The following AGAP1 variants were observed in gnomAD, a reference collection of about 807,000 sequenced individuals.
The protein encoded by AGAP1 is arf-GAP with GTPase, ANK repeat and PH domain-containing protein 1.
Under a neutral mutation model 105.3 loss-of-function variants are expected in AGAP1, and 29 were observed. That is an observed-to-expected ratio of 0.28 (90% CI 0.21 to 0.38). AGAP1 has a LOEUF of 0.38. Ranked by LOEUF, AGAP1 falls within the 10% of genes least tolerant of loss-of-function variation. AGAP1 has a pLI of 1.00. For missense variants in AGAP1, 998 were observed against 1,165.1 expected, an observed-to-expected ratio of 0.86 and a Z score of 2.09; for synonymous variants, 509 against 485.9, an observed-to-expected ratio of 1.05 and a Z score of -0.63.
intron 13 of AGAP1, among the ~76,000 whole-genome samples, chr2:236,010,432 T>C (rs2056471249): frequency 6.6e-6 from 1 of 152,222 alleles, no homozygotes; most frequent in African/African-American, 2.4e-5. Flanking sequence ...ATTTGCTGTT[T>C]ATAACGATCA....
chr2:236,055,562 G>T lies in AGAP1; in HGVS notation c.2114+6281G>T, dbSNP rs2058028752. On this transcript the variant is annotated intron_variant, in intron 16 of 17. Transcript: ENST00000304032. The surrounding 1 kb of genome is among the most constrained non-coding windows in gnomAD (Gnocchi z 6.2). ...TGTCACCGCGGCGTGCTTGTCAGTG[G>T]GCCTGCCCTGGCCCCAGCCGCAGAG... Among the ~76,000 whole-genome samples the T allele has an allele frequency of 6.6e-6, 1 of 152,256 alleles. No individual in the cohort carries two copies. Among genetic ancestry groups the T allele is most frequent in the South Asian group, 2.1e-4 (1 of 4,836 alleles).
In AGAP1 at chr2:236,036,766, G is replaced by C; in HGVS notation, c.1800+51G>C. On this transcript the variant is annotated intron_variant, in intron 14 of 17. Transcript: ENST00000304032. The surrounding 1 kb of genome is among the most constrained non-coding windows in gnomAD (Gnocchi z 5.7). ...AAGGCTGGGGCTGCTCAGGGGGAGT[G>C]CGGGCCCCAAGTAATGCCCCAGGGA... 6.2e-7 allele frequency: 1 copy of C among 1,606,200 alleles called. No homozygotes were observed. The highest frequency in any genetic ancestry group is 8.5e-7 in the Non-Finnish European group (1 of 1,177,178).
At position 235,931,058 on chromosome 2, in the gene AGAP1, A is replaced by T. The variant is rs528940007; in HGVS notation, c.1483+135A>T. The T allele has an allele frequency of 2.1e-5, 21 of 992,458 alleles. No homozygotes were observed. The highest frequency in any genetic ancestry group is 3.2e-4 in the Middle Eastern group (1 of 3,134). The allele number at this position is 992,458 out of a possible 1,614,324, so 61.5% of individuals were successfully genotyped here. A position where few individuals can be genotyped will look rare whatever the true frequency, so the allele number is the denominator to read the frequency against. On this transcript the variant is annotated intron_variant, in intron 12 of 17. Transcript: ENST00000304032. This position sits in a 1 kb window ranked among gnomAD's most constrained non-coding sequence, Gnocchi z 5.6. ...ACCCTGTGGGGCGGCTGCATCAGAG[A>T]CTCACATCTTGCCTTTCATCTGTGG...
rs990432615 is a variant in AGAP1, at chr2:235,566,406, G to T, written c.163+71557G>T. Among the ~76,000 whole-genome samples the T allele has an allele frequency of 3.3e-5, 5 of 152,186 alleles. No homozygotes were observed. Among genetic ancestry groups the T allele is most frequent in the African/African-American group, 9.6e-5 (4 of 41,454 alleles). On this transcript the variant is annotated intron_variant, in intron 1 of 17. Coordinates refer to ENST00000304032, the MANE Select transcript of AGAP1 (RefSeq NM_001037131.3). This position sits in a 1 kb window ranked among gnomAD's most constrained non-coding sequence, Gnocchi z 5.2. ...TCAATGCATTGCAAAGTCAACGGCA[G>T]ACTGAAGGACTGCCGCATGCATAGC...
At position 236,092,392 on chromosome 2, in the gene AGAP1, T is replaced by C. The variant is rs545342676; in HGVS notation, c.2115-27800T>C. On this transcript the variant is annotated intron_variant, in intron 16 of 17. Coordinates refer to ENST00000304032, the MANE Select transcript of AGAP1 (RefSeq NM_001037131.3). This position sits in a 1 kb window ranked among gnomAD's most constrained non-coding sequence, Gnocchi z 4.7. ...CTCTGTATTATTTCTTTTTCTTTTT[T>C]GTTTGTTTTGTTTTGTTTGTGACAG... is the stretch of plus-strand genomic sequence containing the variant. Among the ~76,000 whole-genome samples the C allele has an allele frequency of 9.2e-5, 14 of 152,242 alleles. No homozygotes were observed. The East Asian group carries it at 2.5e-3, about 27-fold the overall frequency.
rs182976052 is a variant in AGAP1, at chr2:235,995,252, T to A, written c.1645+26629T>A. Among the ~76,000 whole-genome samples, 281 of 151,860 alleles carry A rather than the reference T, an allele frequency of 1.9e-3. 1 individual carries two copies. Among genetic ancestry groups the A allele is most frequent in the Admixed American group, 3.2e-3 (49 of 15,256 alleles). The stretch of plus-strand genomic sequence containing the variant: ...AGAAAAGGCTAGGCCCAGTGGCTCA[T>A]GCCTGTAATCCCAACACTTTGGGGA... On this transcript the variant is annotated intron_variant, in intron 13 of 17. Coordinates refer to ENST00000304032, the MANE Select transcript of AGAP1 (RefSeq NM_001037131.3).
At chr2:235,854,901 A>G (rs1272826322) in intron 9 of AGAP1, among the ~76,000 whole-genome samples, 1 of 151,744 alleles carries the variant, frequency 6.6e-6, no homozygotes, top group Non-Finnish European at 1.5e-5. Flanking sequence ...AGAAGTGTAG[A>G]TCGTTTCTGC....
At chr2:235,685,127 T>G (rs765055356) in intron 1 of AGAP1, among the ~76,000 whole-genome samples, 6 of 152,040 alleles carry the variant, frequency 3.9e-5, no homozygotes, top group Non-Finnish European at 5.9e-5. Context: ...CCCAGAGGGT[T>G]CTTCTTTGCC....
In AGAP1 at chr2:235,889,713, T is replaced by C. The variant is rs1005278114; in HGVS notation, c.1155+6264T>C. The stretch of plus-strand genomic sequence containing the variant: ...CTTCCTACACCACAGATAGAAGATA[T>C]GGAGGGAAACCTTTTTCTCCAGGTC... On this transcript the variant is annotated intron_variant, in intron 10 of 17. Coordinates refer to ENST00000304032, the MANE Select transcript of AGAP1 (RefSeq NM_001037131.3). This position sits in a 1 kb window ranked among gnomAD's most constrained non-coding sequence, Gnocchi z 4.6. Among the ~76,000 whole-genome samples, 26 of 152,120 alleles carry C rather than the reference T, an allele frequency of 1.7e-4. No homozygotes were observed. Among genetic ancestry groups the C allele is most frequent in the Non-Finnish European group, 5.9e-5 (4 of 68,014 alleles).
rs754149388 is a variant in AGAP1, at chr2:235,936,975, C to T, written c.1483+6052C>T. On this transcript the variant is annotated intron_variant, in intron 12 of 17. Transcript: ENST00000304032. This position sits in a 1 kb window ranked among gnomAD's most constrained non-coding sequence, Gnocchi z 4.7. ...GAGAAACGCATGCTTAGTACTAAAA[C>T]ATTGTATCATAAAAATTGTTTGTCT... Among the ~76,000 whole-genome samples the T allele has an allele frequency of 1.8e-4, 27 of 151,718 alleles. 1 individual carries two copies. Among genetic ancestry groups the T allele is most frequent in the Non-Finnish European group, 3.8e-4 (26 of 67,944 alleles).
rs2057515122 is a variant in AGAP1, at chr2:236,040,513, G to A, written c.1801-238G>A. On this transcript the variant is annotated intron_variant, in intron 14 of 17. Transcript: ENST00000304032. This position sits in a 1 kb window ranked among gnomAD's most constrained non-coding sequence, Gnocchi z 5.6. ...CTCCTCTTTGCTCATTTCTGGCAGA[G>A]TCCGTCTCAGCTGATGAGTTAAAAT... 3 of 533,426 alleles carry A rather than the reference G, an allele frequency of 5.6e-6. No homozygotes were observed. The highest frequency in any genetic ancestry group is 5.2e-4 in the Middle Eastern group (1 of 1,934). 33.0% of individuals were successfully genotyped at this position (533,426 alleles called of 1,614,324 possible).
chr2:236,097,532 A>G (rs1036530367), intron 16 of AGAP1, among the ~76,000 whole-genome samples: 33 of 151,948 alleles, frequency 2.2e-4, no homozygotes, highest in Non-Finnish European at 4.1e-4. Context: ...AGCTGGAACT[A>G]CAGGCATGTG....
intron 9 of AGAP1, chr2:235,852,966 G>A (rs2048539273): frequency 8.0e-7 from 1 of 1,256,770 alleles, no homozygotes; most frequent in South Asian, 3.8e-5. Flanking sequence ...TTCCAACAAA[G>A]AGGTTACAGG....
At chr2:235,928,137 T>A (rs1208560232) in intron 11 of AGAP1, among the ~76,000 whole-genome samples, 2 of 152,212 alleles carry the variant, frequency 1.3e-5, no homozygotes, top group Non-Finnish European at 2.9e-5. Context: ...CATCTTGTCA[T>A]TGTCCTTTTC....
At chr2:235,828,490 G>A (rs1307333099) in intron 9 of AGAP1, among the ~76,000 whole-genome samples, 1 of 152,146 alleles carries the variant, frequency 6.6e-6, no homozygotes. Context: ...TAACACTTAT[G>A]CATTGTATGG....
chr2:235,910,383 T>C (rs2051545070), intron 11 of AGAP1, among the ~76,000 whole-genome samples: 1 of 62,774 alleles, frequency 1.6e-5, no homozygotes, highest in Non-Finnish European at 3.0e-5. Flanking sequence ...ACTGGCTTTA[T>C]GCTAAAGGAG....
Position 236,129,604 on chromosome 2 carries a change from A to G in AGAP1, c.*5482A>G, listed in dbSNP as rs1362048379. 1 of 152,216 alleles carries G rather than the reference A, an allele frequency of 6.6e-6. No homozygotes were observed. Among genetic ancestry groups the G allele is most frequent in the Non-Finnish European group, 1.5e-5 (1 of 68,044 alleles). The allele number at this position is 152,216 out of a possible 1,614,324, so 9.4% of individuals were successfully genotyped here. ...CCTGTGGCAGACTCCTCCCCTCTCC[A>G]TGAAGAAAGAAATATTTACTTAGAT... On this transcript the variant is annotated 3_prime_UTR_variant, in exon 18 of 18. Coordinates refer to ENST00000304032, the MANE Select transcript of AGAP1 (RefSeq NM_001037131.3). This position sits in a 1 kb window ranked among gnomAD's most constrained non-coding sequence, Gnocchi z 6.2.
intron 12 of AGAP1, among the ~76,000 whole-genome samples, chr2:235,943,120 C>CT (rs2053337062): frequency 6.6e-6 from 1 of 152,128 alleles, no homozygotes; most frequent in Non-Finnish European, 1.5e-5. Flanking sequence ...CAATACAGGA[C>CT]TTTTTTTCCA....
chr2:235,768,047 A>G (rs1393649823), intron 6 of AGAP1, among the ~76,000 whole-genome samples: 1 of 151,890 alleles, frequency 6.6e-6, no homozygotes, highest in Non-Finnish European at 1.5e-5. Context: ...TCTGCCTCCC[A>G]CCGTGCTAGA....
Sources: gnomAD v4.1 joint callset for allele counts (sites outside exome capture counted in the v4.1 genomes callset) on GRCh38, gnomAD v4.1.1 for gene constraint, Gnocchi (gnomAD v3.1) non-coding constraint, MANE v1.5 for transcripts, NCBI Gene and HGNC (gene_info 2026-07-23, HGNC 2026-07-21) for gene names.